LRP2: variants seen among roughly 807,000 people sequenced by gnomAD.
LRP2 encodes the protein low-density lipoprotein receptor-related protein 2.
Under a neutral mutation model 531.0 loss-of-function variants are expected in LRP2, and 172 were observed. The observed-to-expected ratio is 0.32, with a 90% confidence interval of 0.29 to 0.37. The LOEUF is 0.37. LRP2 is among the 10% of genes least tolerant of loss of function. LRP2 has a pLI of 1.00. For missense variants in LRP2, 5,167 were observed against 5,868.3 expected, an observed-to-expected ratio of 0.88 and a Z score of 3.90; for synonymous variants, 1,992 against 2,027.6, an observed-to-expected ratio of 0.98 and a Z score of 0.47.
At chr2:169,291,269 G>A (rs998723113) in intron 7 of LRP2, among the ~76,000 whole-genome samples, 3 of 152,100 alleles carry the variant, frequency 2.0e-5, no homozygotes, top group African/African-American at 4.8e-5. Flanking sequence ...CTCAATTATC[G>A]ACAAACTAAA....
intron 48 of LRP2, among the ~76,000 whole-genome samples, chr2:169,191,148 A>G (rs1559006062): frequency 6.6e-6 from 1 of 152,240 alleles, no homozygotes; most frequent in Non-Finnish European, 1.5e-5. Flanking sequence ...CTTCTGTCAA[A>G]AAGAGAGCAT....
chr2:169,284,700 T>G (rs55679014), intron 9 of LRP2, among the ~76,000 whole-genome samples: 18,131 of 152,074 alleles, frequency 0.12, 1,541 homozygotes, highest in African/African-American at 0.25. Context: ...CACTACCAAG[T>G]GAAATGCCAC....
At chr2:169,313,735 TCA>T (rs1329657036) in intron 3 of LRP2, among the ~76,000 whole-genome samples, 4 of 152,088 alleles carry the variant, frequency 2.6e-5, no homozygotes, top group Non-Finnish European at 4.4e-5. Flanking sequence ...TCTTCAAAGC[TCA>T]GTTGGAAATG....
At chr2:169,172,254 G>A in intron 57 of LRP2, 120 bp from the exon 58 acceptor site, 1 of 1,153,700 alleles carries the variant, frequency 8.7e-7, no homozygotes. Flanking sequence ...AGCTCCCAAA[G>A]AGAGGAATGC....
chr2:169,327,990 T>C (rs184276059), intron 1 of LRP2, among the ~76,000 whole-genome samples: 17,381 of 58,930 alleles, frequency 0.29, 3,203 homozygotes, highest in African/African-American at 0.5. Context: ...GTGGGGGGGT[T>C]AGCCCCACGT....
intron 17 of LRP2, among the ~76,000 whole-genome samples, chr2:169,257,983 A>C (rs1439338930): frequency 1.3e-5 from 2 of 152,172 alleles, no homozygotes; most frequent in East Asian, 3.9e-4. Context: ...CAGGAAAGGA[A>C]TTCAACAGTT....
intron 1 of LRP2, among the ~76,000 whole-genome samples, chr2:169,327,981 T>G (rs1359999855): frequency 2.9e-5 from 2 of 68,240 alleles, no homozygotes; most frequent in Admixed American, 1.4e-4. Flanking sequence ...GGGAGGGAGG[T>G]GGGGGGGTTA....
chr2:169,223,514 T>G lies in LRP2; in HGVS notation c.5538+1796A>C, dbSNP rs1348030667. Among the ~76,000 whole-genome samples, 4 of 152,212 alleles carry G rather than the reference T, an allele frequency of 2.6e-5. No individual in the cohort carries two copies. In the East Asian group the frequency reaches 7.7e-4, roughly 29 times the overall value. On this transcript the variant is annotated intron_variant, in intron 33 of 78. Coordinates refer to ENST00000649046, the MANE Select transcript of LRP2 (RefSeq NM_004525.3). ...AGTAAGGGTCTTAGGCAGTAGATGT[T>G]GCCTGTTTAATGGGAGGATGATAGT...
At chr2:169,176,791 A>G (rs1387703531) in intron 53 of LRP2, among the ~76,000 whole-genome samples, 2 of 152,204 alleles carry the variant, frequency 1.3e-5, no homozygotes, top group African/African-American at 4.8e-5. Flanking sequence ...AAGAAAGCTC[A>G]TTTATATGCT....
rs770067518 is a variant in LRP2, at chr2:169,206,323, C to T, written c.7390+7G>A. The T allele has an allele frequency of 4.3e-6, 7 of 1,613,824 alleles. No individual in the cohort carries two copies. In the East Asian group the frequency reaches 1.6e-4, roughly 36 times the overall value. Reference sequence around the variant, plus strand: ...TGCAGGACAAGCAGCACCTGGAGTGCACTTACCTGAAGCAATGACAGTTGG... The same window carrying T: ...TGCAGGACAAGCAGCACCTGGAGTGTACTTACCTGAAGCAATGACAGTTGG... On this transcript the variant is annotated splice_region_variant and intron_variant, in intron 39 of 78. Coordinates refer to ENST00000649046, the MANE Select transcript of LRP2 (RefSeq NM_004525.3).
chr2:169,171,267 G>A (rs1351714040), intron 58 of LRP2, among the ~76,000 whole-genome samples: 1 of 152,026 alleles, frequency 6.6e-6, no homozygotes, highest in East Asian at 1.9e-4. Flanking sequence ...CTTCCAAAAG[G>A]TAAACAAAGT....
intron 6 of LRP2, among the ~76,000 whole-genome samples, chr2:169,292,759 G>A (rs947811983): frequency 6.6e-6 from 1 of 151,064 alleles, no homozygotes; most frequent in Non-Finnish European, 1.5e-5. Context: ...GCCTGGTGGG[G>A]GTGTGTGGAG....
At chr2:169,221,276 A>G (rs1574148525) in intron 33 of LRP2, among the ~76,000 whole-genome samples, 1 of 152,174 alleles carries the variant, frequency 6.6e-6, no homozygotes, top group African/African-American at 2.4e-5. Flanking sequence ...GTCACTTACT[A>G]TATATGAGGT....
intron 2 of LRP2, among the ~76,000 whole-genome samples, chr2:169,319,474 T>C (rs140895302): frequency 3.4e-4 from 52 of 152,348 alleles, no homozygotes; most frequent in African/African-American, 1.2e-3. Flanking sequence ...ACTATCGTCA[T>C]TGATATTGTT....
intron 3 of LRP2, among the ~76,000 whole-genome samples, chr2:169,309,737 G>T (rs1207605755): frequency 6.6e-6 from 1 of 152,176 alleles, no homozygotes; most frequent in African/African-American, 2.4e-5. Flanking sequence ...GAACTTTAAA[G>T]TAGTTTTTTC....
intron 17 of LRP2, 62 bp downstream of exon 17, chr2:169,258,963 C>T: frequency 6.8e-7 from 1 of 1,471,986 alleles, no homozygotes; most frequent in Non-Finnish European, 9.5e-7. Flanking sequence ...TAGGGCATCA[C>T]TTTTCAATGA....
chr2:169,140,533 G>A lies in LRP2; in HGVS notation c.13121C>T (p.Pro4374Leu). 1.9e-6 allele frequency: 3 copies of A among 1,613,600 alleles called. No homozygotes were observed. Among genetic ancestry groups the A allele is most frequent in the Admixed American group, 1.7e-5 (1 of 60,032 alleles). ...CCTGCATGGGGGGGGCAGGTTGATA[G>A]GCAGTTCGATGGCTGCAGGAAGGGA... is the stretch of plus-strand genomic sequence containing the variant. ...TTECDAAIEL[P>L]INLPPPCRCM... The change falls in exon 72 of 79, where the codon CCT becomes CTT. Residue 4374 changes from proline to leucine, a missense_variant. Around this residue, in one of 6 missense-constraint regions of LRP2, gnomAD observed 348 missense variants for 369.3 expected, o/e 0.94. Coordinates refer to ENST00000649046, the MANE Select transcript of LRP2 (RefSeq NM_004525.3).
intron 16 of LRP2, among the ~76,000 whole-genome samples, chr2:169,263,489 G>A (rs1028174793): frequency 1.0e-4 from 15 of 150,604 alleles, no homozygotes; most frequent in South Asian, 4.3e-4. Context: ...AAAAACACAT[G>A]AAAAAATGCT....
intron 1 of LRP2, among the ~76,000 whole-genome samples, chr2:169,327,786 C>A (rs1357610799): frequency 9.5e-5 from 11 of 116,400 alleles, no homozygotes; most frequent in East Asian, 2.9e-4. Flanking sequence ...CGGCCAGCCG[C>A]CCCGTCTGGG....
Sources: gnomAD v4.1 joint callset for allele counts (sites outside exome capture counted in the v4.1 genomes callset) on GRCh38, gnomAD v4.1.1 for gene constraint, gnomAD v4.1.1 regional missense constraint, MANE v1.5 for transcripts, NCBI Gene and HGNC (gene_info 2026-07-23, HGNC 2026-07-21) for gene names.